Variants in HDAC5 observed in about 807,000 individuals in gnomAD.
The protein encoded by HDAC5 is histone deacetylase 5, also known as antigen NY-CO-9.
HDAC5 carries 25 observed loss-of-function variants against 133.3 expected under a neutral mutation model. That is an observed-to-expected ratio of 0.19 (90% CI 0.14 to 0.26). HDAC5 has a LOEUF of 0.26. Among genes scored for constraint, HDAC5 ranks in the 10% least tolerant of loss-of-function variants. The pLI is 1.00. For synonymous variants in HDAC5, 589 were observed against 610.8 expected, an observed-to-expected ratio of 0.96 and a Z score of 0.53; for missense variants, 1,041 against 1,460.5, an observed-to-expected ratio of 0.71 and a Z score of 4.68.
At chr17:44,118,609 C>A (rs1403707021) in intron 1 of HDAC5, among the ~76,000 whole-genome samples, 1 of 152,142 alleles carries the variant, frequency 6.6e-6, no homozygotes, top group Non-Finnish European at 1.5e-5. Flanking sequence ...AGTTCTCCCC[C>A]ACAGTTAGTC....
At chr17:44,120,364 G>A (rs1270343376) in intron 1 of HDAC5, 1 of 152,198 alleles carries the variant, frequency 6.6e-6, no homozygotes, top group East Asian at 1.9e-4. Context: ...GTACCCCCTA[G>A]GTCATAGGTG....
intron 11 of HDAC5, among the ~76,000 whole-genome samples, chr17:44,090,950 A>G (rs2050915549): frequency 6.6e-6 from 1 of 152,234 alleles, no homozygotes; most frequent in East Asian, 1.9e-4. Flanking sequence ...CAGCCTCCCA[A>G]AGTGCTGGGA....
intron 15 of HDAC5, 102 bp downstream of exon 15, chr17:44,084,920 G>T: frequency 1.4e-6 from 2 of 1,455,738 alleles, no homozygotes; most frequent in Non-Finnish European, 1.9e-6. Flanking sequence ...GAAGTCTGGG[G>T]CTGAAGAGAG....
chr17:44,087,591 G>A lies in HDAC5; in HGVS notation c.1705C>T (p.Leu569=), dbSNP rs1157949609. The change falls in exon 13 of 27, where the codon CTG becomes TTG. Residue 569 remains leucine (L), a synonymous_variant. Transcript: ENST00000682912. The stretch of plus-strand genomic sequence containing the variant: ...GTGGAGCCCTCCCGGGGCATGGTCA[G>A]GGCTCCCTCCCCCAGCAAGACCTCC... The part of the protein sequence containing the change: ...QQEVLLGEGA[L]TMPREGSTES... The A allele has an allele frequency of 1.2e-6, 2 of 1,613,944 alleles. No individual in the cohort carries two copies. The highest frequency in any genetic ancestry group is 1.7e-6 in the Non-Finnish European group (2 of 1,180,008).
At chr17:44,098,501 G>A (rs1231992734) in intron 3 of HDAC5, among the ~76,000 whole-genome samples, 2 of 152,204 alleles carry the variant, frequency 1.3e-5, no homozygotes, top group Non-Finnish European at 2.9e-5. Flanking sequence ...CAGTTTGGGA[G>A]GCTGAGGCGG....
At chr17:44,115,323 A>G (rs2052584362) in intron 2 of HDAC5, among the ~76,000 whole-genome samples, 1 of 152,078 alleles carries the variant, frequency 6.6e-6, no homozygotes, top group Admixed American at 6.6e-5. Context: ...GGGACTAACC[A>G]TTTCCTTCCT....
At chr17:44,085,437 C>T in intron 14 of HDAC5, 1 of 275,230 alleles carries the variant, frequency 3.6e-6, no homozygotes, top group Non-Finnish European at 6.8e-6. Context: ...CCCCCACCAC[C>T]CTGGGCTCAA....
At chr17:44,122,471 A>G (rs1403512193) in intron 1 of HDAC5, among the ~76,000 whole-genome samples, 1 of 152,086 alleles carries the variant, frequency 6.6e-6, no homozygotes, top group Non-Finnish European at 1.5e-5. Flanking sequence ...CCCAGATCCC[A>G]AAAGCATGGT....
At chr17:44,107,286 C>T (rs2052017821) in intron 3 of HDAC5, among the ~76,000 whole-genome samples, 1 of 152,138 alleles carries the variant, frequency 6.6e-6, no homozygotes, top group South Asian at 2.1e-4. Flanking sequence ...CTCAATTATA[C>T]ACCACAGCTA....
chr17:44,079,639 C>CAAAAAAAAAA (rs773678478), intron 23 of HDAC5, among the ~76,000 whole-genome samples: 25 of 65,420 alleles, frequency 3.8e-4, no homozygotes, highest in Non-Finnish European at 4.9e-4. Flanking sequence ...GACTCCACCT[C>CAAAAAAAAAA]AAAAAAAAAA....
At chr17:44,114,473 G>A (rs1028756130) in intron 2 of HDAC5, among the ~76,000 whole-genome samples, 1 of 152,010 alleles carries the variant, frequency 6.6e-6, no homozygotes, top group Admixed American at 6.5e-5. Context: ...TCCTGGAAAA[G>A]GGAAAGAGAG....
chr17:44,088,918 T>C (rs2050797647), intron 11 of HDAC5, among the ~76,000 whole-genome samples: 1 of 152,112 alleles, frequency 6.6e-6, no homozygotes, highest in East Asian at 1.9e-4. Context: ...CAATGACTTT[T>C]CTCCCTAAGT....
intron 9 of HDAC5, 117 bp downstream of exon 9, chr17:44,092,055 G>A: frequency 2.1e-6 from 2 of 974,600 alleles, no homozygotes; most frequent in South Asian, 1.6e-5. Context: ...CTATTCATGT[G>A]GGCAGAGAGG....
chr17:44,092,371 C>A lies in HDAC5; in HGVS notation c.919+10G>T. The A allele has an allele frequency of 1.9e-6, 3 of 1,611,946 alleles. No individual in the cohort carries two copies. Among genetic ancestry groups the A allele is most frequent in the Non-Finnish European group, 2.5e-6 (3 of 1,178,286 alleles). On this transcript the variant is annotated intron_variant, in intron 8 of 26. Transcript: ENST00000682912. ...GACCCTCAGAACAGGTACATGAGAG[C>A]AGCCCTTACCCCCAGGCCCGGCACC...
At chr17:44,094,200 G>A (rs1455883942) in intron 3 of HDAC5, among the ~76,000 whole-genome samples, 2 of 152,058 alleles carry the variant, frequency 1.3e-5, no homozygotes, top group African/African-American at 2.4e-5. Flanking sequence ...GTGCACACCT[G>A]TAATCCCAGC....
intron 3 of HDAC5, among the ~76,000 whole-genome samples, chr17:44,094,193 C>T (rs141693046): frequency 2.6e-5 from 4 of 152,156 alleles, no homozygotes; most frequent in African/African-American, 9.6e-5. Flanking sequence ...CGTGATGGTG[C>T]ACACCTGTAA....
intron 4 of HDAC5, 37 bp downstream of exon 4, chr17:44,093,538 G>A (rs747176684): frequency 1.0e-5 from 16 of 1,597,860 alleles, no homozygotes; most frequent in African/African-American, 4.0e-5. Context: ...GGCGGGGATC[G>A]GAGGTCTGGG....
intron 2 of HDAC5, among the ~76,000 whole-genome samples, chr17:44,112,217 C>T (rs759431357): frequency 2.0e-5 from 3 of 152,126 alleles, no homozygotes; most frequent in Admixed American, 1.3e-4. Context: ...GTTGGAACCT[C>T]GCTAAGGAGA....
At chr17:44,110,856 C>CTGAGCCT in intron 2 of HDAC5, 56 bp from the exon 3 acceptor site, 2 of 1,463,956 alleles carry the variant, frequency 1.4e-6, no homozygotes, top group Non-Finnish European at 1.9e-6. Flanking sequence ...CCACGAGCCC[C>CTGAGCCT]TGAGCCTTGG....
Sources: allele counts gnomAD v4.1 joint callset (sites outside exome capture counted in the v4.1 genomes callset), GRCh38; gene constraint gnomAD v4.1.1; transcripts MANE v1.5; gene names NCBI Gene and HGNC (gene_info 2026-07-23, HGNC 2026-07-21).